The following CCNY variants were observed in gnomAD, a reference collection of about 807,000 sequenced individuals.
CCNY encodes the protein cyclin Y, also known as cyclin-Y.
Under a neutral mutation model 42.8 loss-of-function variants are expected in CCNY, and 19 were observed. That is an observed-to-expected ratio of 0.44 (90% CI 0.31 to 0.65). The LOEUF is 0.65. Among genes scored for constraint, CCNY ranks in the 30% least tolerant of loss-of-function variants. CCNY has a pLI of 0.07. For synonymous variants in CCNY, 165 were observed against 162.7 expected, an observed-to-expected ratio of 1.01 and a Z score of -0.11; for missense variants, 370 against 437.3, an observed-to-expected ratio of 0.85 and a Z score of 1.37.
intron 1 of CCNY, among the ~76,000 whole-genome samples, chr10:35,406,204 T>TTA (rs1837760841): frequency 8.5e-6 from 1 of 117,414 alleles, no homozygotes; most frequent in Non-Finnish European, 1.7e-5. Context: ...TTTTTTATTT[T>TTA]ATTTATTTAT....
At chr10:35,383,670 A>G (rs1461323163) in intron 1 of CCNY, among the ~76,000 whole-genome samples, 1 of 152,094 alleles carries the variant, frequency 6.6e-6, no homozygotes, top group Non-Finnish European at 1.5e-5. Context: ...TATTTTCTCA[A>G]CTGTTCTGAT....
chr10:35,567,957 A>G (rs1312896491), intron 9 of CCNY, among the ~76,000 whole-genome samples: 3 of 152,194 alleles, frequency 2.0e-5, no homozygotes, highest in Admixed American at 2.0e-4. Context: ...CTTCGCAAGC[A>G]CAGATGTGAG....
intron 7 of CCNY, among the ~76,000 whole-genome samples, chr10:35,532,806 A>G (rs574333725): frequency 4.6e-5 from 7 of 152,188 alleles, no homozygotes; most frequent in Non-Finnish European, 7.4e-5. Flanking sequence ...AGAACCATGC[A>G]TGGCACCCAC....
In CCNY at chr10:35,256,225, A is replaced by G. The variant is rs2095715351; in HGVS notation, c.-9+5599A>G. Among the ~76,000 whole-genome samples the G allele has an allele frequency of 1.3e-5, 2 of 151,864 alleles. 1 individual carries two copies. Among genetic ancestry groups the G allele is most frequent in the African/African-American group, 4.8e-5 (2 of 41,366 alleles). ...TCACTGATAAGGTGGGTTTTCTGTC[A>G]TTTTGCTATTTTTTTCTATATGCCT... On this transcript the variant is annotated intron_variant, in intron 3 of 11. Transcript: ENST00000374706.
chr10:35,391,436 G>T (rs567070500), intron 1 of CCNY, among the ~76,000 whole-genome samples: 1 of 152,284 alleles, frequency 6.6e-6, no homozygotes, highest in South Asian at 2.1e-4. Flanking sequence ...ACCGGAATGA[G>T]TCAGGACAGA....
chr10:35,353,681 A>G (rs913907917), intron 1 of CCNY, among the ~76,000 whole-genome samples: 2 of 152,222 alleles, frequency 1.3e-5, no homozygotes, highest in Admixed American at 1.3e-4. Flanking sequence ...TCACTGCAAC[A>G]CACTGTACCT....
At chr10:35,299,573 A>G (rs1379328461) in intron 3 of CCNY, among the ~76,000 whole-genome samples, 3 of 152,156 alleles carry the variant, frequency 2.0e-5, no homozygotes, top group Non-Finnish European at 4.4e-5. Context: ...CCAGAAATGG[A>G]TACAGTCAAT....
At chr10:35,426,121 A>G (rs1179916760) in intron 1 of CCNY, among the ~76,000 whole-genome samples, 157 of 127,942 alleles carry the variant, frequency 1.2e-3, no homozygotes, top group African/African-American at 5.6e-3. Flanking sequence ...GCACACACAC[A>G]CACACACACA....
intron 1 of CCNY, among the ~76,000 whole-genome samples, chr10:35,418,838 T>G (rs1447332783): frequency 6.6e-6 from 1 of 151,962 alleles, no homozygotes; most frequent in Non-Finnish European, 1.5e-5. Flanking sequence ...AATAGTAGTT[T>G]TTTTTTTTTT....
chr10:35,413,405 T>G (rs1410657062), intron 1 of CCNY, among the ~76,000 whole-genome samples: 1 of 152,002 alleles, frequency 6.6e-6, no homozygotes, highest in Non-Finnish European at 1.5e-5. Flanking sequence ...GGGAAGATGA[T>G]GTATTTTGTT....
rs1009431103 is a variant in CCNY, at chr10:35,336,703, G to C, written c.-351G>C. Among the ~76,000 whole-genome samples the C allele has an allele frequency of 1.1e-3, 155 of 147,406 alleles. No homozygotes were observed. The highest frequency in any genetic ancestry group is 1.9e-3 in the Non-Finnish European group (128 of 66,048). On this transcript the variant is annotated 5_prime_UTR_variant, in exon 1 of 10. Coordinates refer to ENST00000374704, the MANE Select transcript of CCNY (RefSeq NM_145012.6). ...AGCGGACACCAACTGGGGAAGCGCG[G>C]GGGGGAGGCGGCCTGCGCGGCGCCG...
At chr10:35,435,658 C>T (rs1838513411) in intron 1 of CCNY, among the ~76,000 whole-genome samples, 1 of 152,202 alleles carries the variant, frequency 6.6e-6, no homozygotes, top group Non-Finnish European at 1.5e-5. Context: ...TACCTGTTTA[C>T]ACACTTTTGT....
intron 1 of CCNY, among the ~76,000 whole-genome samples, chr10:35,457,218 A>G (rs1839056135): frequency 6.6e-6 from 1 of 152,186 alleles, no homozygotes; most frequent in African/African-American, 2.4e-5. Context: ...ATTTCTGATT[A>G]TGTAGCCGTG....
chr10:35,571,639 G>C lies in CCNY; in HGVS notation c.*2469G>C, dbSNP rs1373732467. 6.6e-6 allele frequency: 1 copy of C among 152,294 alleles called. No homozygotes were observed. Among genetic ancestry groups the C allele is most frequent in the Admixed American group, 6.5e-5 (1 of 15,274 alleles). The allele number at this position is 152,294 out of a possible 1,614,324, so 9.4% of individuals were successfully genotyped here. ...TTCATTTTCTTTTCTTTTTCTACAT[G>C]ATGATGAATAGTTATGTTTTCTTCT... is the stretch of plus-strand genomic sequence containing the variant. On this transcript the variant is annotated 3_prime_UTR_variant, in exon 10 of 10. Coordinates refer to ENST00000374704, the MANE Select transcript of CCNY (RefSeq NM_145012.6).
At position 35,365,556 on chromosome 10, in the gene CCNY, C is replaced by T. The variant is rs574286781; in HGVS notation, c.154+28349C>T. Among the ~76,000 whole-genome samples the T allele has an allele frequency of 3.9e-5, 6 of 152,276 alleles. No individual in the cohort carries two copies. In the South Asian group the frequency reaches 1.2e-3, roughly 32 times the overall value. Reference sequence around the variant, plus strand: ...TTACCTGCTCCTGGATTACCTATCGCAAATTAGGATGTTTTTGGTTAACTT... The same window carrying T: ...TTACCTGCTCCTGGATTACCTATCGTAAATTAGGATGTTTTTGGTTAACTT... On this transcript the variant is annotated intron_variant, in intron 1 of 9. Transcript: ENST00000374704.
intron 2 of CCNY, among the ~76,000 whole-genome samples, chr10:35,488,090 A>G (rs575415866): frequency 1.3e-5 from 2 of 152,330 alleles, no homozygotes; most frequent in East Asian, 1.9e-4. Flanking sequence ...AATTTGGAGG[A>G]AAAAACCCTA....
chr10:35,355,824 T>G lies in CCNY; in HGVS notation c.154+18617T>G, dbSNP rs192669320. Among the ~76,000 whole-genome samples, 43 of 152,176 alleles carry G rather than the reference T, an allele frequency of 2.8e-4. No individual in the cohort carries two copies. In the East Asian group the frequency reaches 4.4e-3, roughly 16 times the overall value. On this transcript the variant is annotated intron_variant, in intron 1 of 9. Transcript: ENST00000374704. ...CGTAAGTACTATTTCTCTCTCTCTC[T>G]TTAGTTGCCCCTTATAAATTCCAGG...
In CCNY at chr10:35,516,577, G is replaced by A; in HGVS notation, c.319G>A (p.Asp107Asn). Reference protein sequence around the residue: ...KYSSCSTIFLDDSTVSQPNLK... With the variant: ...KYSSCSTIFLNDSTVSQPNLK... Reference sequence around the variant, plus strand: ...CAGTTCCTGCTCCACCATTTTCCTAGATGATAGCACAGTCAGTCAACCAAA... The same window carrying A: ...CAGTTCCTGCTCCACCATTTTCCTAAATGATAGCACAGTCAGTCAACCAAA... Residue 107 changes from aspartate (D) to asparagine (N), a missense_variant, in exon 4 of 10, where the codon GAT becomes AAT. Around this residue, in one of 2 missense-constraint regions of CCNY, gnomAD observed 234 missense variants for 313.1 expected, o/e 0.75. Transcript: ENST00000374704. The A allele has an allele frequency of 6.3e-7, 1 of 1,579,558 alleles. No homozygotes were observed.
rs184752847 is a variant in CCNY, at chr10:35,361,186, T to C, written c.154+23979T>C. On this transcript the variant is annotated intron_variant, in intron 1 of 9. Coordinates refer to ENST00000374704, the MANE Select transcript of CCNY (RefSeq NM_145012.6). Reference sequence around the variant, plus strand: ...ATGCAGGTATTTATTCATCCACTTATTTATTGTTTCATTTTCTCTCAGATA... The same window carrying C: ...ATGCAGGTATTTATTCATCCACTTACTTATTGTTTCATTTTCTCTCAGATA... 2.1e-4 allele frequency among the ~76,000 whole-genome samples: 32 copies of C among 152,334 alleles called. No homozygotes were observed. The East Asian group carries it at 4.6e-3, about 22-fold the overall frequency.
Sources: gnomAD v4.1 joint callset for allele counts (sites outside exome capture counted in the v4.1 genomes callset) on GRCh38, gnomAD v4.1.1 for gene constraint, gnomAD v4.1.1 regional missense constraint, MANE v1.5 for transcripts, NCBI Gene and HGNC (gene_info 2026-07-23, HGNC 2026-07-21) for gene names.